Variants in ZNF254 observed in about 807,000 individuals in gnomAD.
The protein encoded by ZNF254 is CTD-2017D11.1.
A neutral mutation model predicts 12.4 loss-of-function variants in ZNF254; 10 were observed. That is an observed-to-expected ratio of 0.80 (90% CI 0.50 to 1.36). ZNF254 has a LOEUF of 1.36. Among genes scored for constraint, ZNF254 ranks in the 40% most tolerant of loss-of-function variants. The pLI is 0.00. For synonymous variants in ZNF254, 305 were observed against 253.4 expected (o/e 1.20, Z -1.93); for missense variants, 996 against 763.9 (o/e 1.30, Z -3.58).
At chr19:24,041,950 A>G in intron 1 of ZNF254, among the ~76,000 whole-genome samples, 1 of 151,898 alleles carries the variant, frequency 6.6e-6, no homozygotes, top group African/African-American at 2.4e-5. Context: ...GATTGTAAAT[A>G]CACCAATCAG....
chr19:24,035,020 A>C (rs922146053), intron 1 of ZNF254, among the ~76,000 whole-genome samples: 1 of 152,154 alleles, frequency 6.6e-6, no homozygotes, highest in African/African-American at 2.4e-5. Flanking sequence ...GGAGAATTTT[A>C]AAGGTTAGAG....
At chr19:24,088,994 G>A (rs1220894567) in intron 1 of ZNF254, among the ~76,000 whole-genome samples, 1 of 42,744 alleles carries the variant, frequency 2.3e-5, no homozygotes, top group African/African-American at 1.4e-4. Flanking sequence ...TTTTTTTTTT[G>A]AGACAGAGTT....
intron 3 of ZNF254, among the ~76,000 whole-genome samples, chr19:24,113,114 T>C (rs1973800596): frequency 6.6e-6 from 1 of 152,224 alleles, no homozygotes; most frequent in Non-Finnish European, 1.5e-5. Context: ...AAGGAGGAAC[T>C]GATACCATTC....
In ZNF254 at chr19:24,127,297, C is replaced by G. The variant is rs1386664630; in HGVS notation, c.1297C>G (p.Pro433Ala). The G allele has an allele frequency of 2.5e-6, 4 of 1,613,638 alleles. No homozygotes were observed. The South Asian group carries it at 4.4e-5, about 18-fold the overall frequency. Residue 433 changes from proline (P) to alanine (A), a missense_variant, in exon 4 of 4, where the codon CCT becomes GCT. By Grantham distance (27) the Pro-to-Ala change is conservative (BLOSUM62 -1). Coordinates refer to ENST00000357002, the MANE Select transcript of ZNF254 (RefSeq NM_203282.4). Reference sequence around the variant, plus strand: ...TAAGATAATTCATACTGGAGAGAAACCTTACAAGTGTGAAGAATGTGGCAA... The same window carrying G: ...TAAGATAATTCATACTGGAGAGAAAGCTTACAAGTGTGAAGAATGTGGCAA... ...THKIIHTGEK[P>A]YKCEECGKAF...
chr19:24,072,215 A>G (rs1971507250), intron 2 of ZNF254, among the ~76,000 whole-genome samples: 1 of 150,100 alleles, frequency 6.7e-6, no homozygotes, highest in Non-Finnish European at 1.5e-5. Flanking sequence ...TCTGTCACCC[A>G]GGCTGGAGTG....
chr19:24,037,698 C>G (rs1252760389), intron 1 of ZNF254, among the ~76,000 whole-genome samples: 1 of 151,290 alleles, frequency 6.6e-6, no homozygotes, highest in African/African-American at 2.4e-5. Flanking sequence ...CAACCTCCAC[C>G]TCCCAGGTTC....
intron 1 of ZNF254, among the ~76,000 whole-genome samples, chr19:24,090,034 G>GA (rs575080256): frequency 0.031 from 2,925 of 94,712 alleles, 34 homozygotes; most frequent in South Asian, 0.041. Flanking sequence ...CTAAAAATAC[G>GA]AAAAAAAAAA....
chr19:24,106,492 A>G (rs1364934324), intron 2 of ZNF254, 56 bp from the exon 3 acceptor site: 8 of 1,377,140 alleles, frequency 5.8e-6, no homozygotes, highest in Non-Finnish European at 8.0e-6. Flanking sequence ...GCACATTACT[A>G]AGTTGGTAAT....
intron 1 of ZNF254, among the ~76,000 whole-genome samples, chr19:24,089,293 C>CA (rs2145653072): frequency 6.6e-6 from 1 of 152,198 alleles, no homozygotes; most frequent in African/African-American, 2.4e-5. Context: ...CATTTTTTGA[C>CA]AAAGCATTTG....
chr19:24,064,867 T>G (rs67396030), intron 2 of ZNF254, among the ~76,000 whole-genome samples: 22,574 of 152,158 alleles, frequency 0.15, 1,933 homozygotes, highest in Middle Eastern at 0.23. Context: ...CCAACAACAT[T>G]ATGATGAGAC....
intron 1 of ZNF254, among the ~76,000 whole-genome samples, chr19:24,041,661 G>A (rs1209644952): frequency 7.9e-5 from 12 of 152,336 alleles, no homozygotes; most frequent in Admixed American, 4.6e-4. Context: ...GCTCCACGGC[G>A]CCCAGTCCCA....
chr19:24,052,381 G>C (rs1970682219), intron 2 of ZNF254, among the ~76,000 whole-genome samples: 1 of 152,124 alleles, frequency 6.6e-6, no homozygotes. Flanking sequence ...ACATACCATT[G>C]AGTTCAACAC....
Position 24,087,272 on chromosome 19 carries a change from G to T in ZNF254, c.-36G>T. ...CTCCTAGAGGCCCAGCCTCTGTGGC[G>T]CTGTTACCAGCAGGTATTGGAGATC... On this transcript the variant is annotated 5_prime_UTR_variant, in exon 1 of 4. Transcript: ENST00000357002. 1 of 1,612,764 alleles carries T rather than the reference G, an allele frequency of 6.2e-7. No homozygotes were observed. Among genetic ancestry groups the T allele is most frequent in the Non-Finnish European group, 8.5e-7 (1 of 1,179,250 alleles).
chr19:24,050,865 AT>A (rs147985147), intron 2 of ZNF254, among the ~76,000 whole-genome samples: 2 of 146,096 alleles, frequency 1.4e-5, no homozygotes, highest in Admixed American at 6.8e-5. Flanking sequence ...CACCTGGCAA[AT>A]TTTTTTTATG....
intron 3 of ZNF254, among the ~76,000 whole-genome samples, chr19:24,125,524 C>T (rs1006053094): frequency 5.9e-5 from 9 of 152,010 alleles, no homozygotes; most frequent in African/African-American, 1.9e-4. Context: ...AAAAAAGCTA[C>T]TTGTCAAAAT....
At chr19:24,049,196 ATATATATATATATATATAT>A (rs1355759714) in intron 2 of ZNF254, among the ~76,000 whole-genome samples, 3 of 57,712 alleles carry the variant, frequency 5.2e-5, no homozygotes, top group African/African-American at 2.5e-4. Flanking sequence ...ATATATATAT[ATATATATATATATATATAT>A]TTTTTTTTTT....
chr19:24,060,737 T>C (rs1330488383), intron 2 of ZNF254, among the ~76,000 whole-genome samples: 1 of 152,210 alleles, frequency 6.6e-6, no homozygotes, highest in Admixed American at 6.5e-5. Flanking sequence ...ATGATATGAC[T>C]CTCCTTCCTG....
intron 3 of ZNF254, among the ~76,000 whole-genome samples, chr19:24,112,923 A>T (rs1973782759): frequency 6.6e-6 from 1 of 152,224 alleles, no homozygotes; most frequent in Non-Finnish European, 1.5e-5. Flanking sequence ...ATAAACTAGA[A>T]AATCTAGATG....
At chr19:24,071,691 A>G (rs536930953) in intron 2 of ZNF254, among the ~76,000 whole-genome samples, 143 of 152,276 alleles carry the variant, frequency 9.4e-4, no homozygotes, top group African/African-American at 3.3e-3. Context: ...CCTGGGTGAC[A>G]GAGTGAGACT....
Sources: allele counts gnomAD v4.1 joint callset (sites outside exome capture counted in the v4.1 genomes callset), GRCh38; gene constraint gnomAD v4.1.1; transcripts MANE v1.5; gene names NCBI Gene and HGNC (gene_info 2026-07-23, HGNC 2026-07-21).